The following ECT2 variants were observed in gnomAD, a reference collection of about 807,000 sequenced individuals.
ECT2 encodes the protein epithelial cell transforming 2, also known as protein ECT2.
ECT2 carries 61 observed loss-of-function variants against 116.9 expected under a neutral mutation model. The observed-to-expected ratio is 0.52, with a 90% CI of 0.42 to 0.65. The LOEUF (loss-of-function observed/expected upper bound fraction) is 0.65, where lower values mean the gene tolerates loss of function less well. ECT2 is among the 30% of genes least tolerant of loss of function. ECT2 has a pLI of 0.00. For synonymous variants in ECT2, 358 were observed against 346.4 expected (o/e 1.03, Z -0.37); for missense variants, 937 against 1,078.7 (o/e 0.87, Z 1.84).
rs1311432030 is a variant in ECT2 at position 172,816,962 on chromosome 3, A to G, written c.2655+125A>G. ...AAATTTTAATAATTTTATTTAACCCAGTATGCTAAAATATTATCATTTGAA... is the reference window on the plus strand; with the variant it reads ...AAATTTTAATAATTTTATTTAACCCGGTATGCTAAAATATTATCATTTGAA... On this transcript the variant is annotated intron_variant, in intron 24 of 24. Transcript: ENST00000392692. The G allele has an allele frequency of 1.1e-5, 8 of 705,704 alleles. No homozygotes were observed. The African/African-American group carries it at 1.5e-4, about 13-fold the overall frequency. The allele number at this position is 705,704 out of a possible 1,614,324, so 43.7% of individuals were successfully genotyped here.
chr3:172,818,803 A>G (rs1310817735), intron 24 of ECT2: 3 of 1,221,096 alleles, frequency 2.5e-6, no homozygotes, highest in Non-Finnish European at 3.1e-6. Flanking sequence ...AACAAGCCTC[A>G]TGAAGTTTAA....
At chr3:172,791,284 A>T (rs1724610218) in intron 18 of ECT2, among the ~76,000 whole-genome samples, 1 of 152,214 alleles carries the variant, frequency 6.6e-6, no homozygotes, top group Admixed American at 6.5e-5. Context: ...GTCAGTGATC[A>T]TTGGCTTCAA....
At chr3:172,762,666 T>G in intron 9 of ECT2, 25 bp from the exon 10 acceptor site, 1 of 1,589,424 alleles carries the variant, frequency 6.3e-7, no homozygotes, top group Non-Finnish European at 8.5e-7. Flanking sequence ...TTGGCTTATT[T>G]ATGCTTATGT....
At chr3:172,826,042 C>T (rs1279582792), downstream of ECT2, among the ~76,000 whole-genome samples, 1 of 152,118 alleles carries the variant, frequency 6.6e-6, no homozygotes, top group Non-Finnish European at 1.5e-5. Context: ...TACAGGCACG[C>T]CCCGCCACGC....
chr3:172,768,587 T>C (rs1288865609), intron 12 of ECT2, among the ~76,000 whole-genome samples: 6 of 152,200 alleles, frequency 3.9e-5, no homozygotes, highest in African/African-American at 1.2e-4. Flanking sequence ...GTGAACTGTT[T>C]TGTAGACTTC....
intron 18 of ECT2, among the ~76,000 whole-genome samples, chr3:172,800,156 T>C (rs536521050): frequency 8.4e-4 from 128 of 152,300 alleles, no homozygotes; most frequent in African/African-American, 3.0e-3. Flanking sequence ...TTATACAAAA[T>C]TGGATCATTC....
intron 18 of ECT2, among the ~76,000 whole-genome samples, chr3:172,800,609 A>G (rs1219942995): frequency 6.6e-6 from 1 of 152,174 alleles, no homozygotes; most frequent in Non-Finnish European, 1.5e-5. Flanking sequence ...CATTATTGCT[A>G]TCTTCAATTT....
intron 20 of ECT2, among the ~76,000 whole-genome samples, chr3:172,804,661 T>C (rs1269727182): frequency 6.6e-6 from 1 of 152,238 alleles, no homozygotes; most frequent in East Asian, 1.9e-4. Flanking sequence ...GCTCCATTCA[T>C]CTAATAGGTT....
chr3:172,761,630 T>TC lies in ECT2; in HGVS notation c.707dup (p.Ile237AsnfsTer9). 1.2e-6 allele frequency: 2 copies of TC among 1,611,022 alleles called. No homozygotes were observed. The highest frequency in any genetic ancestry group is 1.7e-6 in the Non-Finnish European group (2 of 1,178,012). The stretch of plus-strand genomic sequence containing the variant: ...TTTAGGTTGCTGTGAGTCTAGGTAC[T>TC]CCAATTATGAAGCCAGAATGGATTT... On this transcript the variant is annotated frameshift_variant, in exon 8 of 25. Transcript: ENST00000392692. LOFTEE classifies it high-confidence loss of function.
At chr3:172,786,440 G>C in intron 17 of ECT2, 53 bp from the exon 18 acceptor site, 2 of 1,174,118 alleles carry the variant, frequency 1.7e-6, no homozygotes, top group Non-Finnish European at 2.5e-6. Flanking sequence ...TTTAGTCTTA[G>C]ATGAGAAATC....
chr3:172,805,824 C>A lies in ECT2; in HGVS notation c.2200C>A (p.Pro734Thr), dbSNP rs1461080424. 3 of 1,613,620 alleles carry A rather than the reference C, an allele frequency of 1.9e-6. No homozygotes were observed. The highest frequency in any genetic ancestry group is 1.3e-5 in the African/African-American group (1 of 74,880). The stretch of plus-strand genomic sequence containing the variant: ...TTCTCTTAAGCATATTCACCTAATG[C>A]CTCTTTCTCAGATTAAGAAGGTATT... ...PASLKHIHLM[P>T]LSQIKKVLDI... is the part of the protein sequence containing the mutation. Residue 734 changes from proline (P) to threonine (T), a missense_variant, in exon 21 of 25, where the codon CCT (proline) becomes ACT (threonine). Pro to Thr is a conservative substitution (Grantham distance 38). Coordinates refer to ENST00000392692, the MANE Select transcript of ECT2 (RefSeq NM_001258315.2).
chr3:172,828,124 C>A, the ECT2 span, among the ~76,000 whole-genome samples: 1 of 152,168 alleles, frequency 6.6e-6, no homozygotes, highest in South Asian at 2.1e-4. Flanking sequence ...ATACTTGTTA[C>A]AATAGCATTA....
chr3:172,802,704 C>A lies in ECT2; in HGVS notation c.1986+10C>A. 1 of 1,573,740 alleles carries A rather than the reference C, an allele frequency of 6.4e-7. No homozygotes were observed. The highest frequency in any genetic ancestry group is 8.6e-7 in the Non-Finnish European group (1 of 1,160,816). ...AGTAGATGGATGCCCAGTAAGTATT[C>A]TTCTTTAACAATTATTAATTTATTT... On this transcript the variant is annotated intron_variant, in intron 19 of 24. Coordinates refer to ENST00000392692, the MANE Select transcript of ECT2 (RefSeq NM_001258315.2).
Position 172,757,099 on chromosome 3 carries a change from C to T in ECT2, c.420C>T (p.Asp140=), listed in dbSNP as rs199606782. The T allele has an allele frequency of 3.2e-5, 51 of 1,609,708 alleles. No individual in the cohort carries two copies. Among genetic ancestry groups the T allele is most frequent in the Non-Finnish European group, 4.3e-5 (51 of 1,178,506 alleles). ...VTDFQDSVFN[D]LYKADCRVIG... is the part of the protein sequence containing the mutation. ...ACTTTCAGGATTCTGTCTTTAATGA[C>T]CTCTACAAGGCTGATTGTAGAGTTA... is the stretch of plus-strand genomic sequence containing the variant. The change falls in exon 5 of 25, where the codon GAC becomes GAT. Residue 140 remains aspartate (D), a synonymous_variant. Transcript: ENST00000392692.
intron 14 of ECT2, among the ~76,000 whole-genome samples, chr3:172,777,224 G>T (rs1245582139): frequency 6.6e-6 from 1 of 152,104 alleles, no homozygotes; most frequent in Admixed American, 6.6e-5. Context: ...CAGTTTTCCT[G>T]TTTATAAAAT....
At chr3:172,798,820 G>A (rs942506365) in intron 18 of ECT2, among the ~76,000 whole-genome samples, 1 of 152,078 alleles carries the variant, frequency 6.6e-6, no homozygotes, top group Non-Finnish European at 1.5e-5. Context: ...CTTTATAGCA[G>A]AATACAATTG....
Position 172,754,629 on chromosome 3 carries a change from C to T in ECT2, c.99C>T (p.Asn33=). ...AAGTTACTGAGATTTCCAAGGAAAA[C>T]TTACTTATTGGATCTACTTCATATG... is the stretch of plus-strand genomic sequence containing the variant. ...DSKVTEISKE[N]LLIGSTSYVE... Residue 33 remains asparagine, a synonymous_variant, in exon 2 of 25, where the codon AAC becomes AAT. Transcript: ENST00000392692. 1.2e-6 allele frequency: 2 copies of T among 1,611,416 alleles called. No homozygotes were observed. The highest frequency in any genetic ancestry group is 2.2e-5 in the South Asian group (2 of 90,832).
rs373924623 is a variant in ECT2 at position 172,775,726 on chromosome 3, C to G, written c.1548+1704C>G. 2.7e-3 allele frequency among the ~76,000 whole-genome samples: 404 copies of G among 151,550 alleles called. 2 individuals carry two copies. The highest frequency in any genetic ancestry group is 9.2e-3 in the African/African-American group (379 of 41,322). ...TTGGCTCACTGCAACCTCTGCCTCC[C>G]GGGTTCAAGTGATTCTCCTGCCTCA... is the stretch of plus-strand genomic sequence containing the variant. On this transcript the variant is annotated intron_variant, in intron 14 of 24. Coordinates refer to ENST00000392692, the MANE Select transcript of ECT2 (RefSeq NM_001258315.2).
At chr3:172,767,984 G>C (rs578030055) in intron 12 of ECT2, among the ~76,000 whole-genome samples, 1 of 152,092 alleles carries the variant, frequency 6.6e-6, no homozygotes, top group East Asian at 1.9e-4. Context: ...TGTCCGCCTT[G>C]GCCTCCCAAA....
Sources: allele counts gnomAD v4.1 joint callset (sites outside exome capture counted in the v4.1 genomes callset), GRCh38; gene constraint gnomAD v4.1.1; transcripts MANE v1.5; gene names NCBI Gene and HGNC (gene_info 2026-07-23, HGNC 2026-07-21).